SH3RF3: variants seen among roughly 807,000 people sequenced by gnomAD.
SH3RF3 encodes the protein SH3 domain containing ring finger 3.
A neutral mutation model predicts 66.3 loss-of-function variants in SH3RF3; 29 were observed. The observed-to-expected ratio is 0.44, with a 90% CI of 0.33 to 0.60. The LOEUF (loss-of-function observed/expected upper bound fraction) is 0.60, where lower values mean the gene tolerates loss of function less well. SH3RF3 is among the 20% of genes least tolerant of loss of function. The pLI is 0.04. For missense variants in SH3RF3, 1,194 were observed against 1,190.9 expected (o/e 1.00, Z -0.04); for synonymous variants, 583 against 532.0 (o/e 1.10, Z -1.32).
At chr2:109,149,812 A>G (rs1677190394) in intron 1 of SH3RF3, among the ~76,000 whole-genome samples, 1 of 152,208 alleles carries the variant, frequency 6.6e-6, no homozygotes, top group African/African-American at 2.4e-5. Flanking sequence ...TAGTGCAGGT[A>G]TTTTTGTACT....
chr2:109,338,758 A>G (rs1279108472), intron 1 of SH3RF3, among the ~76,000 whole-genome samples: 1 of 152,126 alleles, frequency 6.6e-6, no homozygotes, highest in East Asian at 1.9e-4. Flanking sequence ...GAGTTTCACC[A>G]TGTTGGCCAG....
intron 1 of SH3RF3, among the ~76,000 whole-genome samples, chr2:109,338,957 A>G (rs1050927616): frequency 6.6e-6 from 1 of 152,258 alleles, no homozygotes; most frequent in Non-Finnish European, 1.5e-5. Context: ...AGAACTATAC[A>G]TTATATACTG....
intron 1 of SH3RF3, among the ~76,000 whole-genome samples, chr2:109,134,295 G>A (rs189990979): frequency 1.2e-4 from 19 of 152,238 alleles, no homozygotes; most frequent in Admixed American, 5.2e-4. Flanking sequence ...GGATGTTGTC[G>A]TGGTTCGGTC....
At chr2:109,415,515 A>T (rs976582354) in intron 4 of SH3RF3, among the ~76,000 whole-genome samples, 12 of 151,632 alleles carry the variant, frequency 7.9e-5, no homozygotes, top group Admixed American at 7.2e-4. Flanking sequence ...GCGTGTCCAG[A>T]CCCCCTCCTG....
intron 1 of SH3RF3, among the ~76,000 whole-genome samples, chr2:109,340,794 C>T (rs1379185635): frequency 1.3e-5 from 2 of 152,120 alleles, no homozygotes; most frequent in Admixed American, 6.5e-5. Flanking sequence ...AAACTAAGCC[C>T]AAGGTACTTT....
chr2:109,306,258 G>A lies in SH3RF3; in HGVS notation c.574-41416G>A, dbSNP rs181306766. On this transcript the variant is annotated intron_variant, in intron 1 of 9. Transcript: ENST00000309415. ...CCAGGAAGTGTCAGCAGTGGGGCCG[G>A]GATGAGGGGTGGATAGAGGGGTGCC... 5.9e-5 allele frequency among the ~76,000 whole-genome samples: 9 copies of A among 152,332 alleles called. No individual in the cohort carries two copies. The East Asian group carries it at 1.7e-3, about 29-fold the overall frequency.
At chr2:109,385,818 A>G (rs1453987518) in intron 3 of SH3RF3, among the ~76,000 whole-genome samples, 1 of 152,258 alleles carries the variant, frequency 6.6e-6, no homozygotes, top group Non-Finnish European at 1.5e-5. Context: ...AGAAACAAAA[A>G]AAATAAACCC....
At position 109,330,510 on chromosome 2, in the gene SH3RF3, C is replaced by G. The variant is rs145747043; in HGVS notation, c.574-17164C>G. On this transcript the variant is annotated intron_variant, in intron 1 of 9. Transcript: ENST00000309415. ...GTAAGAATGGGGGGCAGGGGGTGTC[C>G]CCCCTTGTATTGTTAGATGTCTAGT... Among the ~76,000 whole-genome samples the G allele has an allele frequency of 1.7e-3, 261 of 152,242 alleles. No homozygotes were observed. In the Middle Eastern group the frequency reaches 0.027, roughly 16 times the overall value.
intron 1 of SH3RF3, among the ~76,000 whole-genome samples, chr2:109,181,700 G>C (rs1199681260): frequency 6.6e-6 from 1 of 152,162 alleles, no homozygotes; most frequent in African/African-American, 2.4e-5. Flanking sequence ...CCTATTCTCT[G>C]AGTCTACTCT....
intron 8 of SH3RF3, among the ~76,000 whole-genome samples, chr2:109,467,783 C>T (rs898128535): frequency 5.3e-5 from 8 of 152,292 alleles, no homozygotes; most frequent in Admixed American, 2.0e-4. Flanking sequence ...CTGATCTGAC[C>T]GTTCTGCAGT....
chr2:109,278,130 T>C (rs1680801673), intron 1 of SH3RF3, among the ~76,000 whole-genome samples: 1 of 151,786 alleles, frequency 6.6e-6, no homozygotes, highest in African/African-American at 2.4e-5. Context: ...TGAGCCATGA[T>C]TGTGCCACTG....
chr2:109,214,885 A>C (rs1456249245), intron 1 of SH3RF3, among the ~76,000 whole-genome samples: 1 of 152,192 alleles, frequency 6.6e-6, no homozygotes, highest in Non-Finnish European at 1.5e-5. Flanking sequence ...GGGAGATCTG[A>C]GACTTGGAGG....
chr2:109,205,675 C>T (rs540449059), intron 1 of SH3RF3, among the ~76,000 whole-genome samples: 2 of 152,280 alleles, frequency 1.3e-5, no homozygotes, highest in South Asian at 2.1e-4. Flanking sequence ...GGGTCTGCAC[C>T]GTATCTGCCC....
At chr2:109,446,938 G>C (rs539080995) in intron 7 of SH3RF3, among the ~76,000 whole-genome samples, 1 of 151,984 alleles carries the variant, frequency 6.6e-6, no homozygotes, top group Non-Finnish European at 1.5e-5. Flanking sequence ...CAGGGACCCT[G>C]GACCGAGAGA....
chr2:109,205,170 G>A (rs978206750), intron 1 of SH3RF3, among the ~76,000 whole-genome samples: 8 of 151,984 alleles, frequency 5.3e-5, no homozygotes, highest in Non-Finnish European at 1.5e-5. Context: ...TTATGCCGCT[G>A]CACTCCAGCC....
In SH3RF3 at chr2:109,432,810, C is replaced by T. The variant is rs796941674; in HGVS notation, c.1574+139C>T. 5.0e-6 allele frequency: 6 copies of T among 1,192,642 alleles called. No homozygotes were observed. In the African/African-American group the frequency reaches 6.2e-5, roughly 12 times the overall value. 73.9% of individuals were successfully genotyped at this position (1,192,642 alleles called of 1,614,324 possible). On this transcript the variant is annotated intron_variant, in intron 6 of 9. Transcript: ENST00000309415. ...CCACCAGTGCCCAGGGTTCAGCCCC[C>T]ACTGGCGTCCCCAGGCCCACATTTC... is the stretch of plus-strand genomic sequence containing the variant.
chr2:109,502,908 C>T lies in SH3RF3; in HGVS notation c.*1237C>T, dbSNP rs929707973. 1 of 152,198 alleles carries T rather than the reference C, an allele frequency of 6.6e-6. No individual in the cohort carries two copies. The allele number at this position is 152,198 out of a possible 1,614,324, so 9.4% of individuals were successfully genotyped here. ...TCTTTTTTAAAAATAAATAACTGCT[C>T]CCATTTCAGGCAGTGCAAACCTTCA... On this transcript the variant is annotated 3_prime_UTR_variant, in exon 10 of 10. Coordinates refer to ENST00000309415, the MANE Select transcript of SH3RF3 (RefSeq NM_001099289.3).
At chr2:109,243,338 G>A (rs1679833768) in intron 1 of SH3RF3, among the ~76,000 whole-genome samples, 2 of 152,254 alleles carry the variant, frequency 1.3e-5, no homozygotes, top group African/African-American at 4.8e-5. Flanking sequence ...GAGATTCCAT[G>A]TGCTTAGTCT....
chr2:109,361,546 T>C (rs1683050997), intron 2 of SH3RF3, among the ~76,000 whole-genome samples: 1 of 152,190 alleles, frequency 6.6e-6, no homozygotes, highest in Non-Finnish European at 1.5e-5. Flanking sequence ...CGATCTTGGC[T>C]CATTGCAACC....
Sources: gnomAD v4.1 joint callset for allele counts (sites outside exome capture counted in the v4.1 genomes callset) on GRCh38, gnomAD v4.1.1 for gene constraint, MANE v1.5 for transcripts, NCBI Gene and HGNC (gene_info 2026-07-23, HGNC 2026-07-21) for gene names.